MED13L: variants seen among roughly 807,000 people sequenced by gnomAD.
MED13L encodes mediator complex subunit 13L.
In MED13L, 7 loss-of-function variants were observed where a neutral mutation model predicts 220.9. The ratio of observed to expected loss-of-function variants is 0.03; its 90% CI spans 0.02 to 0.06. The LOEUF (loss-of-function observed/expected upper bound fraction) is 0.06. Among genes scored for constraint, MED13L ranks in the 10% least tolerant of loss-of-function variants. The pLI, the probability that MED13L is intolerant of heterozygous loss-of-function variation, is 1.00. For synonymous variants in MED13L, 1,011 were observed against 1,015.2 expected (o/e 1.00, Z 0.08); for missense variants, 1,965 against 2,760.5 (o/e 0.71, Z 6.46).
At chr12:116,258,205 A>G (rs1435177233) in intron 1 of MED13L, among the ~76,000 whole-genome samples, 1 of 152,256 alleles carries the variant, frequency 6.6e-6, no homozygotes, top group Non-Finnish European at 1.5e-5. Context: ...ACTGGTTAAA[A>G]GTTCAGGCTT....
chr12:116,053,277 C>T (rs1233026073), intron 4 of MED13L, among the ~76,000 whole-genome samples: 1 of 152,110 alleles, frequency 6.6e-6, no homozygotes, highest in Non-Finnish European at 1.5e-5. Flanking sequence ...AATTTATACT[C>T]TTCTAGAAGA....
chr12:116,250,048 A>AC (rs1228038513), intron 1 of MED13L, among the ~76,000 whole-genome samples: 13 of 149,060 alleles, frequency 8.7e-5, no homozygotes, highest in South Asian at 2.1e-4. Context: ...AAAAAAAAAA[A>AC]ACACACCAAA....
intron 2 of MED13L, among the ~76,000 whole-genome samples, chr12:116,161,468 G>A (rs1360931324): frequency 6.6e-6 from 1 of 151,974 alleles, no homozygotes; most frequent in Non-Finnish European, 1.5e-5. Context: ...CAACACTGCT[G>A]CTCCAAAAAA....
chr12:116,094,298 G>A (rs1435167616), intron 4 of MED13L, among the ~76,000 whole-genome samples: 4 of 152,128 alleles, frequency 2.6e-5, no homozygotes, highest in African/African-American at 9.7e-5. Flanking sequence ...CTGAAATACT[G>A]TTTCAAAATA....
In MED13L at chr12:116,032,788, C is replaced by T. The variant is rs538470956; in HGVS notation, c.480-10187G>A. ...CCACAGTGCTCAGAGGTTCTGTGCA[C>T]CTAAAAACAATTTGCAAACTATAAG... On this transcript the variant is annotated intron_variant, in intron 4 of 30. Coordinates refer to ENST00000281928, the MANE Select transcript of MED13L (RefSeq NM_015335.5). Among the ~76,000 whole-genome samples, 5 of 152,184 alleles carry T rather than the reference C, an allele frequency of 3.3e-5. No homozygotes were observed. The South Asian group carries it at 8.3e-4, about 25-fold the overall frequency.
At chr12:116,169,782 G>A (rs559234101) in intron 2 of MED13L, among the ~76,000 whole-genome samples, 22 of 152,210 alleles carry the variant, frequency 1.4e-4, no homozygotes, top group Non-Finnish European at 2.8e-4. Flanking sequence ...TCCAAGGCAG[G>A]AGGATCACTT....
chr12:116,185,500 G>T lies in MED13L; in HGVS notation c.310+51968C>A, dbSNP rs544707514. 1.9e-3 allele frequency among the ~76,000 whole-genome samples: 295 copies of T among 152,126 alleles called. 1 individual carries two copies. The highest frequency in any genetic ancestry group is 6.8e-3 in the African/African-American group (282 of 41,514). On this transcript the variant is annotated intron_variant, in intron 2 of 30. Transcript: ENST00000281928. ...ATACCTGACGAAAATCAACAGGACT[G>T]CTGACCATGACATTAACAACATGCA...
chr12:116,058,420 T>C (rs1223395785), intron 4 of MED13L, among the ~76,000 whole-genome samples: 2 of 147,360 alleles, frequency 1.4e-5, no homozygotes, highest in African/African-American at 4.9e-5. Flanking sequence ...TTGTAATTAC[T>C]GTACTGATGA....
intron 4 of MED13L, among the ~76,000 whole-genome samples, chr12:116,048,535 A>C (rs888637938): frequency 6.6e-6 from 1 of 152,220 alleles, no homozygotes; most frequent in African/African-American, 2.4e-5. Context: ...AAAGAAACCA[A>C]AGAATACATT....
chr12:116,047,799 C>T (rs932656408), intron 4 of MED13L, among the ~76,000 whole-genome samples: 9 of 152,178 alleles, frequency 5.9e-5, no homozygotes, highest in Admixed American at 5.2e-4. Flanking sequence ...TCTACTGCCA[C>T]ATAACCTGTA....
At chr12:115,997,990 TACAGCTGCTCTTTTGGGGAAACTC>T (rs1164600407) in intron 14 of MED13L, among the ~76,000 whole-genome samples, 5 of 152,168 alleles carry the variant, frequency 3.3e-5, no homozygotes, top group Admixed American at 6.5e-5. Context: ...CCACTACACT[TACAGCTGCTCTTTTGGGGAAACTC>T]ACAGCTGCTC....
intron 2 of MED13L, among the ~76,000 whole-genome samples, chr12:116,157,640 AAATATCTGTTG>A (rs1157811155): frequency 1.3e-5 from 2 of 152,244 alleles, no homozygotes. Context: ...GAAAGCACAC[AAATATCTGTTG>A]AATAGTGAAG....
At chr12:116,253,072 G>T (rs149142802) in intron 1 of MED13L, among the ~76,000 whole-genome samples, 2 of 151,892 alleles carry the variant, frequency 1.3e-5, no homozygotes, top group Non-Finnish European at 2.9e-5. Flanking sequence ...AACCAGCCTG[G>T]CCAACGTGGT....
At chr12:116,073,186 T>C (rs1870517675) in intron 4 of MED13L, among the ~76,000 whole-genome samples, 1 of 151,870 alleles carries the variant, frequency 6.6e-6, no homozygotes, top group African/African-American at 2.4e-5. Flanking sequence ...GGGTATGTAT[T>C]TTTTTTTAAT....
intron 4 of MED13L, among the ~76,000 whole-genome samples, chr12:116,083,389 G>A (rs1261509873): frequency 7.6e-6 from 1 of 131,392 alleles, no homozygotes; most frequent in African/African-American, 2.8e-5. Flanking sequence ...AAGACAGAGC[G>A]AGACTGTCTC....
chr12:116,140,331 G>C (rs758519400), intron 2 of MED13L, among the ~76,000 whole-genome samples: 2 of 152,250 alleles, frequency 1.3e-5, no homozygotes, highest in Non-Finnish European at 2.9e-5. Context: ...TATATCCTCA[G>C]TTCACAAAAT....
chr12:116,239,876 A>C (rs1870461440), intron 1 of MED13L, among the ~76,000 whole-genome samples: 2 of 152,232 alleles, frequency 1.3e-5, no homozygotes, highest in African/African-American at 4.8e-5. Context: ...GGAGGAAATC[A>C]GTATGCGGTA....
At chr12:116,234,483 G>A (rs1869886702) in intron 2 of MED13L, among the ~76,000 whole-genome samples, 1 of 151,898 alleles carries the variant, frequency 6.6e-6, no homozygotes, top group Non-Finnish European at 1.5e-5. Context: ...TCCTGCCTAG[G>A]CCTCCCAAAG....
intron 3 of MED13L, 148 bp from the exon 4 acceptor site, chr12:116,096,900 G>A (rs989187714): frequency 1.7e-5 from 11 of 665,134 alleles, no homozygotes; most frequent in South Asian, 3.6e-5. Flanking sequence ...AAATTTTTAC[G>A]TTATACTTTC....
Sources: gnomAD v4.1 joint callset for allele counts (sites outside exome capture counted in the v4.1 genomes callset) on GRCh38, gnomAD v4.1.1 for gene constraint, MANE v1.5 for transcripts, NCBI Gene and HGNC (gene_info 2026-07-23, HGNC 2026-07-21) for gene names.